Variants in DLGAP2 observed in about 807,000 individuals in gnomAD.
DLGAP2 encodes DLG associated protein 2, also known as disks large-associated protein 2.
DLGAP2 carries 26 observed loss-of-function variants against 100.3 expected under a neutral mutation model. The observed-to-expected ratio is 0.26, with a 90% CI of 0.19 to 0.36. The LOEUF is 0.36. Ranked by LOEUF, DLGAP2 falls within the 10% of genes least tolerant of loss-of-function variation. The pLI is 1.00. For synonymous variants in DLGAP2, 886 were observed against 630.1 expected (o/e 1.41, Z -6.08); for missense variants, 1,858 against 1,453.2 (o/e 1.28, Z -4.53).
rs371243676 is a variant in DLGAP2 at position 1,187,424 on chromosome 8, C to T, written c.74-71427C>T. Among the ~76,000 whole-genome samples, 240 of 130,672 alleles carry T rather than the reference C, an allele frequency of 1.8e-3. 5 individuals are homozygous for T. The highest frequency in any genetic ancestry group is 5.4e-3 in the African/African-American group (151 of 27,984). 85.7% of individuals were successfully genotyped at this position (130,672 alleles called of 152,430 possible). A position where few individuals can be genotyped will look rare whatever the true frequency, so the allele number is the denominator to read the frequency against. ...CGGAATGTCACACGCCCGGGACCTC[C>T]GTGACGTTTGCCTCACGGAATCTCA... On this transcript the variant is annotated intron_variant, in intron 2 of 14. Coordinates refer to ENST00000637795, the MANE Select transcript of DLGAP2 (RefSeq NM_001346810.2).
At chr8:1,246,341 C>A (rs559792054) in intron 2 of DLGAP2, among the ~76,000 whole-genome samples, 2 of 152,306 alleles carry the variant, frequency 1.3e-5, no homozygotes, top group Admixed American at 1.3e-4. Flanking sequence ...GAATTTCAAG[C>A]GATGGTGCTT....
intron 4 of DLGAP2, among the ~76,000 whole-genome samples, chr8:1,539,413 G>T (rs1024639746): frequency 6.6e-6 from 1 of 152,082 alleles, no homozygotes; most frequent in African/African-American, 2.4e-5. Context: ...CAACACTGGC[G>T]ACTGTTCCTA....
intron 2 of DLGAP2, among the ~76,000 whole-genome samples, chr8:952,860 A>G (rs1335624517): frequency 1.3e-5 from 2 of 152,208 alleles, no homozygotes; most frequent in Admixed American, 6.5e-5. Context: ...TGGTTCAGGT[A>G]TATGAAGAAA....
chr8:917,348 T>C (rs1383622275), intron 2 of DLGAP2, among the ~76,000 whole-genome samples: 2 of 150,984 alleles, frequency 1.3e-5, no homozygotes, highest in Middle Eastern at 3.2e-3. Flanking sequence ...AAACAATCTT[T>C]CCACCTCAGC....
At chr8:1,449,483 C>T (rs758313590) in intron 3 of DLGAP2, among the ~76,000 whole-genome samples, 4 of 152,126 alleles carry the variant, frequency 2.6e-5, no homozygotes, top group East Asian at 1.9e-4. Context: ...ACGGCACCAG[C>T]GGGCATGGAC....
At chr8:1,409,099 C>T (rs1056328665) in intron 3 of DLGAP2, among the ~76,000 whole-genome samples, 3 of 151,756 alleles carry the variant, frequency 2.0e-5, no homozygotes, top group African/African-American at 4.8e-5. Flanking sequence ...CCCCTTGGAC[C>T]ACTGCCCAGT....
intron 2 of DLGAP2, among the ~76,000 whole-genome samples, chr8:975,061 A>G (rs1477802170): frequency 6.6e-6 from 1 of 152,210 alleles, no homozygotes; most frequent in Admixed American, 6.5e-5. Flanking sequence ...AAGAAGGGCC[A>G]TCAGTCCTGA....
At chr8:1,037,254 C>T (rs898828903) in intron 2 of DLGAP2, among the ~76,000 whole-genome samples, 3 of 152,308 alleles carry the variant, frequency 2.0e-5, no homozygotes, top group Admixed American at 2.0e-4. Context: ...TTCCCTCGGG[C>T]CTTTCTCTCT....
At chr8:1,046,957 A>G (rs544956239) in intron 2 of DLGAP2, among the ~76,000 whole-genome samples, 47 of 42,962 alleles carry the variant, frequency 1.1e-3, no homozygotes, top group Middle Eastern at 0.013. Flanking sequence ...TTATTAAAAT[A>G]ATAGGTTTTT....
chr8:1,696,491 C>T (rs539725487), intron 13 of DLGAP2, among the ~76,000 whole-genome samples: 1 of 152,250 alleles, frequency 6.6e-6, no homozygotes, highest in Admixed American at 6.5e-5. Flanking sequence ...GAGAAAGACC[C>T]TGTCTCAAAA....
intron 2 of DLGAP2, among the ~76,000 whole-genome samples, chr8:1,160,160 T>C (rs987921227): frequency 6.6e-6 from 1 of 152,186 alleles, no homozygotes; most frequent in African/African-American, 2.4e-5. Flanking sequence ...TATTTGGCAA[T>C]GTAAAACTGA....
intron 4 of DLGAP2, among the ~76,000 whole-genome samples, chr8:1,544,187 G>C (rs534778616): frequency 1.3e-5 from 2 of 152,198 alleles, no homozygotes; most frequent in East Asian, 3.8e-4. Context: ...ACAGGTGTGA[G>C]TGACTGCGTC....
chr8:1,425,424 C>G (rs1481926147), intron 3 of DLGAP2, among the ~76,000 whole-genome samples: 4 of 152,194 alleles, frequency 2.6e-5, no homozygotes, highest in Non-Finnish European at 5.9e-5. Context: ...GCCCATGGTA[C>G]CAGGGACCCA....
chr8:1,094,252 G>C (rs769153400), intron 2 of DLGAP2, among the ~76,000 whole-genome samples: 4 of 152,208 alleles, frequency 2.6e-5, no homozygotes, highest in Non-Finnish European at 5.9e-5. Context: ...TCCAACGCGA[G>C]TAAAGCTTTC....
rs573789968 is a variant in DLGAP2 at position 1,425,411 on chromosome 8, A to G, written c.107-75955A>G. On this transcript the variant is annotated intron_variant, in intron 3 of 14. Coordinates refer to ENST00000637795, the MANE Select transcript of DLGAP2 (RefSeq NM_001346810.2). ...AACATTAGCTTTGCTACTCGACAGCATCGCCCATGGTACCAGGGACCCATC... is the reference window on the plus strand; with the variant it reads ...AACATTAGCTTTGCTACTCGACAGCGTCGCCCATGGTACCAGGGACCCATC... Among the ~76,000 whole-genome samples, 195 of 152,314 alleles carry G rather than the reference A, an allele frequency of 1.3e-3. 2 individuals carry two copies. Among genetic ancestry groups the G allele is most frequent in the African/African-American group, 4.5e-3 (188 of 41,568 alleles).
At position 1,255,787 on chromosome 8, in the gene DLGAP2, C is replaced by T. The variant is rs1444320915; in HGVS notation, c.74-3064C>T. On this transcript the variant is annotated intron_variant, in intron 2 of 14. Coordinates refer to ENST00000637795, the MANE Select transcript of DLGAP2 (RefSeq NM_001346810.2). The stretch of plus-strand genomic sequence containing the variant: ...CCTGGGTGCTGTGTGTGTGTCCTCT[C>T]ATCCTGCCTGGGTGCTATGTGTGTG... Among the ~76,000 whole-genome samples the T allele has an allele frequency of 2.4e-5, 3 of 126,836 alleles. No homozygotes were observed. The South Asian group carries it at 8.5e-4, about 36-fold the overall frequency. The allele number at this position is 126,836 out of a possible 152,430, so 83.2% of individuals were successfully genotyped here.
At chr8:1,063,443 C>T (rs1803149732) in intron 2 of DLGAP2, among the ~76,000 whole-genome samples, 1 of 151,816 alleles carries the variant, frequency 6.6e-6, no homozygotes, top group South Asian at 2.1e-4. Flanking sequence ...TGACGGGCAC[C>T]TGTGCAATCC....
rs544845866 is a variant in DLGAP2, at chr8:1,256,271, G to A, written c.74-2580G>A. Among the ~76,000 whole-genome samples the A allele has an allele frequency of 3.4e-3, 480 of 139,732 alleles. 1 individual carries two copies. Among genetic ancestry groups the A allele is most frequent in the Middle Eastern group, 0.015 (3 of 200 alleles). 91.7% of individuals were successfully genotyped at this position (139,732 alleles called of 152,430 possible). The stretch of plus-strand genomic sequence containing the variant: ...TGTGTGTGTCCTCTCCTGCCTGGGT[G>A]CTGTGTGTGTGTCCTCTCCTGCCCG... On this transcript the variant is annotated intron_variant, in intron 2 of 14. Coordinates refer to ENST00000637795, the MANE Select transcript of DLGAP2 (RefSeq NM_001346810.2).
intron 2 of DLGAP2, among the ~76,000 whole-genome samples, chr8:923,413 G>A (rs1490528658): frequency 6.6e-6 from 1 of 152,252 alleles, no homozygotes; most frequent in African/African-American, 2.4e-5. Flanking sequence ...ACGAGGGCAT[G>A]GGTGTGAGTG....
Sources: gnomAD v4.1 joint callset for allele counts (sites outside exome capture counted in the v4.1 genomes callset) on GRCh38, gnomAD v4.1.1 for gene constraint, MANE v1.5 for transcripts, NCBI Gene and HGNC (gene_info 2026-07-23, HGNC 2026-07-21) for gene names.